The following KIF9 variants were observed in gnomAD, a reference collection of about 807,000 sequenced individuals.
KIF9 encodes kinesin family member 9.
KIF9 carries 68 observed loss-of-function variants against 94.8 expected under a neutral mutation model. That is an observed-to-expected ratio of 0.72 (90% CI 0.59 to 0.88). The LOEUF (loss-of-function observed/expected upper bound fraction) is 0.88, where lower values mean the gene tolerates loss of function less well. KIF9 is among the 40% of genes least tolerant of loss of function. KIF9 has a pLI of 0.00. For synonymous variants in KIF9, 343 were observed against 362.1 expected, an observed-to-expected ratio of 0.95 and a Z score of 0.60; for missense variants, 882 against 982.5, an observed-to-expected ratio of 0.90 and a Z score of 1.37.
Position 47,257,495 on chromosome 3 carries a change from C to T in KIF9, c.1047G>A (p.Lys349=). Residue 349 remains lysine, a synonymous_variant, in exon 10 of 21, where the codon AAG becomes AAA. Coordinates refer to ENST00000684063, the MANE Select transcript of KIF9 (RefSeq NM_182902.4). Reference sequence around the variant, plus strand: ...ACCCCTGCTGTACCTCAGCATCATACTTTTCATTGATGGCAGGCTCAGTGG... The same window carrying T: ...ACCCCTGCTGTACCTCAGCATCATATTTTTCATTGATGGCAGGCTCAGTGG... ...LVTTEPAINE[K]YDAERMVKNL... 2 of 1,614,020 alleles carry T rather than the reference C, an allele frequency of 1.2e-6. No individual in the cohort carries two copies. Among genetic ancestry groups the T allele is most frequent in the Non-Finnish European group, 1.7e-6 (2 of 1,179,952 alleles).
chr3:47,257,690 C>T, intron 9 of KIF9, 130 bp from the exon 10 acceptor site: 1 of 731,256 alleles, frequency 1.4e-6, no homozygotes, highest in Non-Finnish European at 2.3e-6. Flanking sequence ...ATGTTGGTTC[C>T]CTTCCCCCAG....
rs760196363 is a variant in KIF9 at position 47,248,035 on chromosome 3, C to T, written c.1111G>A (p.Ala371Thr). 4 of 1,613,622 alleles carry T rather than the reference C, an allele frequency of 2.5e-6. No homozygotes were observed. In the South Asian group the frequency reaches 4.4e-5, roughly 18 times the overall value. The change falls in exon 11 of 21, where the codon GCT becomes ACT. Residue 371 changes from alanine (A) to threonine (T), a missense_variant. Physicochemically the swap from Ala to Thr is moderately conservative, Grantham distance 58. Coordinates refer to ENST00000684063, the MANE Select transcript of KIF9 (RefSeq NM_182902.4). ...CCTCTTACCAGGCTGTCATGGATAG[C>T]CAGCTCCTGCTTGAGTAGTGCTAGT... The part of the protein sequence containing the change: ...KELALLKQEL[A>T]IHDSLTNRTF...
intron 20 of KIF9, among the ~76,000 whole-genome samples, chr3:47,233,852 G>T (rs1350122441): frequency 6.6e-6 from 1 of 152,128 alleles, no homozygotes; most frequent in East Asian, 1.9e-4. Flanking sequence ...CACTTTGGGA[G>T]GCCAAGGCGG....
At position 47,247,351 on chromosome 3, in the gene KIF9, T is replaced by G. The variant is rs762360506; in HGVS notation, c.1233+22A>C. The G allele has an allele frequency of 3.9e-6, 6 of 1,543,098 alleles. No homozygotes were observed. The East Asian group carries it at 1.1e-4, about 29-fold the overall frequency. ...GGAGGCCCAGGCTGGCTGAGCATAG[T>G]GGTCACAGAGGGGTTCCTTACGTCG... On this transcript the variant is annotated intron_variant, in intron 12 of 20. Transcript: ENST00000684063.
At chr3:47,242,761 A>G (rs1175694090) in intron 16 of KIF9, among the ~76,000 whole-genome samples, 2 of 152,226 alleles carry the variant, frequency 1.3e-5, no homozygotes, top group Admixed American at 6.5e-5. Flanking sequence ...AAATTTTTAA[A>G]TCTTTTGAAT....
intron 7 of KIF9, 73 bp from the exon 8 acceptor site, chr3:47,265,950 G>A: frequency 6.5e-7 from 1 of 1,537,674 alleles, no homozygotes; most frequent in Non-Finnish European, 9.0e-7. Flanking sequence ...AGTCTTCCTG[G>A]TCTGGAGAAA....
Position 47,267,016 on chromosome 3 carries a change from A to G in KIF9, c.728T>C (p.Leu243Ser). The change falls in exon 7 of 21, where the codon TTG becomes TCG. Residue 243 changes from leucine (L) to serine (S), a missense_variant. Physicochemically the swap from Leu to Ser is moderately radical, Grantham distance 145. Coordinates refer to ENST00000684063, the MANE Select transcript of KIF9 (RefSeq NM_182902.4). ...EEKYITSKIN[L>S]VDLAGSERLG... is the part of the protein sequence containing the mutation. ...CCTCTCTGAGCCTGCCAGATCCACC[A>G]AGTTAATTTTGGAAGTGATGTACTT... 6.2e-7 allele frequency: 1 copy of G among 1,613,802 alleles called. No individual in the cohort carries two copies. The highest frequency in any genetic ancestry group is 8.5e-7 in the Non-Finnish European group (1 of 1,179,994).
chr3:47,230,792 C>A (rs1698510694), intron 20 of KIF9, among the ~76,000 whole-genome samples: 1 of 152,172 alleles, frequency 6.6e-6, no homozygotes, highest in Non-Finnish European at 1.5e-5. Flanking sequence ...CTAATCCCAG[C>A]ACTTTGGGAA....
chr3:47,255,839 C>T (rs1307078520), intron 10 of KIF9, among the ~76,000 whole-genome samples: 17 of 147,452 alleles, frequency 1.2e-4, no homozygotes, highest in South Asian at 4.4e-4. Context: ...GCTGCCATCT[C>T]GGCTCACTGC....
intron 18 of KIF9, 98 bp from the exon 19 acceptor site, chr3:47,236,247 C>A (rs1192423511): frequency 5.6e-6 from 6 of 1,072,812 alleles, no homozygotes; most frequent in Non-Finnish European, 8.5e-6. Flanking sequence ...CTGTTCACTT[C>A]CTGCTCCAAG....
chr3:47,272,987 G>A lies in KIF9; in HGVS notation c.366+565C>T, dbSNP rs1245133894. 6.6e-5 allele frequency among the ~76,000 whole-genome samples: 10 copies of A among 152,252 alleles called. No homozygotes were observed. In the East Asian group the frequency reaches 9.7e-4, roughly 15 times the overall value. On this transcript the variant is annotated intron_variant, in intron 4 of 20. Transcript: ENST00000684063. ...TTGGCAGCTTTTGCCTCCTACCTCCGACCAGAGGGTCCTTACAGAACCCAG... is the reference window on the plus strand; with the variant it reads ...TTGGCAGCTTTTGCCTCCTACCTCCAACCAGAGGGTCCTTACAGAACCCAG...
At chr3:47,228,806 C>A (rs550435745) in intron 20 of KIF9, 104 bp from the exon 21 acceptor site, 1 of 881,524 alleles carries the variant, frequency 1.1e-6, no homozygotes, top group Non-Finnish European at 1.9e-6. Context: ...CTCCTGCAAA[C>A]ATCATGGGTT....
chr3:47,236,504 G>A lies in KIF9; in HGVS notation c.2040C>T (p.Leu680=), dbSNP rs1699037010. 1 of 1,614,024 alleles carries A rather than the reference G, an allele frequency of 6.2e-7. No individual in the cohort carries two copies. The highest frequency in any genetic ancestry group is 2.2e-5 in the East Asian group (1 of 44,894). Reference sequence around the variant, plus strand: ...GCTGGCAATACTGGATCTCAGCCCTGAGGTCACGCAGGTCCTGGTACTCGC... The same window carrying A: ...GCTGGCAATACTGGATCTCAGCCCTAAGGTCACGCAGGTCCTGGTACTCGC... The part of the protein sequence containing the change: ...YRSEYQDLRD[L]RAEIQYCQHL... The change falls in exon 18 of 21, where the codon CTC becomes CTT. Residue 680 remains leucine, a synonymous_variant. Coordinates refer to ENST00000684063, the MANE Select transcript of KIF9 (RefSeq NM_182902.4).
chr3:47,235,078 G>A (rs1255810540), intron 20 of KIF9, among the ~76,000 whole-genome samples: 1 of 152,162 alleles, frequency 6.6e-6, no homozygotes, highest in East Asian at 1.9e-4. Context: ...TTAGTAGAAT[G>A]GAGACCCTCT....
Position 47,236,637 on chromosome 3 carries a change from A to G in KIF9, c.1925-18T>C. The G allele has an allele frequency of 6.2e-7, 1 of 1,612,200 alleles. No individual in the cohort carries two copies. Among genetic ancestry groups the G allele is most frequent in the Non-Finnish European group, 8.5e-7 (1 of 1,179,216 alleles). ...GTACTTGCCTGCAAGGTGATGGAAG[A>G]AGTCAGGAAATGAGGAGGTGTCCAC... is the stretch of plus-strand genomic sequence containing the variant. On this transcript the variant is annotated intron_variant, in intron 17 of 20. Coordinates refer to ENST00000684063, the MANE Select transcript of KIF9 (RefSeq NM_182902.4).
intron 5 of KIF9, 24 bp downstream of exon 5, chr3:47,271,213 A>G: frequency 1.3e-6 from 2 of 1,529,542 alleles, no homozygotes; most frequent in East Asian, 4.5e-5. Flanking sequence ...GAAGGAAAGG[A>G]ACCCTCAGGT....
intron 16 of KIF9, 75 bp downstream of exon 16, chr3:47,242,976 C>T: frequency 1.7e-6 from 2 of 1,174,520 alleles, no homozygotes; most frequent in Non-Finnish European, 1.2e-6. Context: ...CTTTTATCTG[C>T]AGGTACTCTT....
chr3:47,276,241 G>A (rs972758190), intron 2 of KIF9, among the ~76,000 whole-genome samples: 1 of 152,122 alleles, frequency 6.6e-6, no homozygotes, highest in African/African-American at 2.4e-5. Context: ...CCTGGCTACA[G>A]AGAGAAAAAT....
Position 47,250,469 on chromosome 3 carries a change from T to C in KIF9, c.1060-2383A>G, listed in dbSNP as rs190528773. On this transcript the variant is annotated intron_variant, in intron 10 of 20. Transcript: ENST00000684063. ...AGTGCTTTAAAAAGCACTTGGCACA[T>C]AGTAAGCACTCCATAGATTTTAGGT... The C allele has an allele frequency of 1.9e-4, 62 of 330,384 alleles. No individual in the cohort carries two copies. The Admixed American group carries it at 1.9e-3, about 10-fold the overall frequency. The allele number at this position is 330,384 out of a possible 1,614,324, so 20.5% of individuals were successfully genotyped here.
Sources: gnomAD v4.1 joint callset for allele counts (sites outside exome capture counted in the v4.1 genomes callset) on GRCh38, gnomAD v4.1.1 for gene constraint, MANE v1.5 for transcripts, NCBI Gene and HGNC (gene_info 2026-07-23, HGNC 2026-07-21) for gene names.